Variants in CDH26 observed in about 807,000 individuals in gnomAD.
CDH26 encodes the protein cadherin 26.
Under a neutral mutation model 90.3 loss-of-function variants are expected in CDH26, and 83 were observed. The observed-to-expected ratio is 0.92, with a 90% CI of 0.77 to 1.10. The LOEUF (loss-of-function observed/expected upper bound fraction) is 1.10. Ranked by LOEUF, CDH26 falls within the 50% of genes least tolerant of loss-of-function variation. CDH26 has a pLI of 0.00. For synonymous variants in CDH26, 397 were observed against 396.3 expected (o/e 1.00, Z -0.02); for missense variants, 1,013 against 1,037.6 (o/e 0.98, Z 0.33).
chr20:60,002,305 A>G (rs1039295970), intron 15 of CDH26, among the ~76,000 whole-genome samples: 1 of 151,284 alleles, frequency 6.6e-6, no homozygotes, highest in African/African-American at 2.4e-5. Context: ...GTTGGGTTCC[A>G]TGTCCTTGCA....
chr20:60,024,269 C>CA (rs2146032533), intron 7 of CDH26, among the ~76,000 whole-genome samples: 1 of 152,286 alleles, frequency 6.6e-6, no homozygotes, highest in Admixed American at 6.5e-5. Flanking sequence ...CTTTGCCCCC[C>CA]ACACTGGGTA....
At chr20:59,978,667 C>A (rs1244923935) in intron 4 of CDH26, among the ~76,000 whole-genome samples, 1 of 152,046 alleles carries the variant, frequency 6.6e-6, no homozygotes, top group African/African-American at 2.4e-5. Context: ...AGCCACCACG[C>A]CCGATCTTAT....
intron 17 of CDH26, among the ~76,000 whole-genome samples, chr20:60,010,757 G>A (rs1167616854): frequency 6.6e-6 from 1 of 152,214 alleles, no homozygotes; most frequent in East Asian, 1.9e-4. Context: ...GCTGTTTGGA[G>A]GGAGAAAGCC....
chr20:59,968,488 T>C (rs905134883), intron 1 of CDH26, among the ~76,000 whole-genome samples: 3 of 152,188 alleles, frequency 2.0e-5, no homozygotes, highest in Non-Finnish European at 4.4e-5. Flanking sequence ...ATAAGTATTA[T>C]CACTCTAAGT....
At position 59,992,667 on chromosome 20, in the gene CDH26, T is replaced by C; in HGVS notation, c.1426+147T>C. 1.2e-6 allele frequency: 1 copy of C among 800,226 alleles called. No homozygotes were observed. The highest frequency in any genetic ancestry group is 2.0e-6 in the Non-Finnish European group (1 of 512,066). The allele number at this position is 800,226 out of a possible 1,614,324, so 49.6% of individuals were successfully genotyped here. ...CTGCATCCATGCTGGTGATTATTTT[T>C]GGTAATAATTCTTAAAATGGTAAAC... On this transcript the variant is annotated intron_variant, in intron 10 of 17. Coordinates refer to ENST00000348616, the MANE Select transcript of CDH26 (RefSeq NM_177980.4). This position sits in a 1 kb window ranked among gnomAD's most constrained non-coding sequence, Gnocchi z 5.0.
rs2062032452 is a variant in CDH26 at position 60,030,529 on chromosome 20, A to G, written c.948-702A>G. Among the ~76,000 whole-genome samples, 1 of 152,104 alleles carries G rather than the reference A, an allele frequency of 6.6e-6. No homozygotes were observed. Among genetic ancestry groups the G allele is most frequent in the Non-Finnish European group, 1.5e-5 (1 of 68,026 alleles). On this transcript the variant is annotated intron_variant, in intron 7 of 8. Transcript: ENST00000370991. The surrounding 1 kb of genome is among the most constrained non-coding windows in gnomAD (Gnocchi z 4.0). ...AAGTTCCAGAGGCAGATCCTGGAAG[A>G]TTTTAACTAGCTAATGTAGCCCACC...
intron 1 of CDH26, among the ~76,000 whole-genome samples, chr20:59,966,665 A>G (rs1326534134): frequency 6.6e-6 from 1 of 152,236 alleles, no homozygotes; most frequent in African/African-American, 2.4e-5. Flanking sequence ...TGCAAATGTC[A>G]GACAGCAAAA....
At chr20:59,977,985 T>G (rs1280645344) in intron 4 of CDH26, among the ~76,000 whole-genome samples, 3 of 152,236 alleles carry the variant, frequency 2.0e-5, no homozygotes, top group Non-Finnish European at 4.4e-5. Flanking sequence ...ACTTTTGCCT[T>G]TTCCAGAAGG....
chr20:59,987,703 C>A, intron 8 of CDH26, 65 bp downstream of exon 8: 1 of 1,404,154 alleles, frequency 7.1e-7, no homozygotes, highest in Non-Finnish European at 9.7e-7. Context: ...TCTGTAGGAT[C>A]ACTCACAATG....
chr20:60,028,334 G>C (rs1204266106), intron 7 of CDH26, among the ~76,000 whole-genome samples: 1 of 152,218 alleles, frequency 6.6e-6, no homozygotes, highest in African/African-American at 2.4e-5. Flanking sequence ...GGGTTCTTTT[G>C]ATCTGCCACG....
chr20:59,986,646 CA>C (rs2061462605), intron 7 of CDH26, among the ~76,000 whole-genome samples: 1 of 151,816 alleles, frequency 6.6e-6, no homozygotes, highest in East Asian at 1.9e-4. Flanking sequence ...CACACACACA[CA>C]CACACACACA....
chr20:59,981,049 G>A (rs915179556), intron 4 of CDH26, among the ~76,000 whole-genome samples: 2 of 151,994 alleles, frequency 1.3e-5, no homozygotes, highest in African/African-American at 4.8e-5. Flanking sequence ...CCATACTTGT[G>A]TGGGCCTATT....
At chr20:60,011,816 G>A (rs552705012) in intron 17 of CDH26, among the ~76,000 whole-genome samples, 161 of 152,318 alleles carry the variant, frequency 1.1e-3, no homozygotes, top group Non-Finnish European at 2.0e-3. Flanking sequence ...TTTCCAGGAT[G>A]TTGAGTCTGA....
intron 1 of CDH26, among the ~76,000 whole-genome samples, chr20:59,963,236 T>C (rs1448129145): frequency 6.7e-6 from 1 of 148,464 alleles, no homozygotes; most frequent in Non-Finnish European, 1.5e-5. Context: ...ACATAGCTGG[T>C]GAGGGGTAGA....
chr20:59,994,097 G>A (rs1394362491), intron 10 of CDH26, 153 bp from the exon 11 acceptor site: 4 of 947,420 alleles, frequency 4.2e-6, no homozygotes, highest in Non-Finnish European at 6.2e-6. Flanking sequence ...CAGGAAAACA[G>A]ATCACGTGCA....
At position 60,006,650 on chromosome 20, in the gene CDH26, C is replaced by T. The variant is rs1037361310; in HGVS notation, c.2221-63C>T. 5 of 1,211,908 alleles carry T rather than the reference C, an allele frequency of 4.1e-6. No homozygotes were observed. In the African/African-American group the frequency reaches 7.4e-5, roughly 18 times the overall value. The allele number at this position is 1,211,908 out of a possible 1,614,324, so 75.1% of individuals were successfully genotyped here. A position where few individuals can be genotyped will look rare whatever the true frequency, so the allele number is the denominator to read the frequency against. On this transcript the variant is annotated intron_variant, in intron 16 of 17. Coordinates refer to ENST00000348616, the MANE Select transcript of CDH26 (RefSeq NM_177980.4). ...CATCTATGCTGGGGCCACTGACACA[C>T]AGGGGTTGGGGGGTAGGACAAGGGC...
In CDH26 at chr20:60,030,826, C is replaced by A. The variant is rs1350382098; in HGVS notation, c.948-405C>A. ...CCTGCACCTAGTTAAGAAGCCATGA[C>A]TCCCCTTGGACAATTACCTGCACCA... On this transcript the variant is annotated intron_variant, in intron 7 of 8. Transcript: ENST00000370991. This position sits in a 1 kb window ranked among gnomAD's most constrained non-coding sequence, Gnocchi z 4.0. Among the ~76,000 whole-genome samples the A allele has an allele frequency of 3.3e-5, 5 of 152,188 alleles. No individual in the cohort carries two copies. The highest frequency in any genetic ancestry group is 7.3e-5 in the Non-Finnish European group (5 of 68,030).
chr20:59,999,737 T>C, intron 14 of CDH26, 74 bp downstream of exon 14: 1 of 1,393,022 alleles, frequency 7.2e-7, no homozygotes, highest in South Asian at 1.2e-5. Flanking sequence ...AAGGAACACC[T>C]GGGATGCTCC....
intron 15 of CDH26, 33 bp from the exon 16 acceptor site, chr20:60,002,780 T>C (rs1230554711): frequency 6.5e-7 from 1 of 1,545,976 alleles, no homozygotes; most frequent in Non-Finnish European, 8.8e-7. Context: ...GGTAATTTAT[T>C]TGAAATCAGT....
Sources: gnomAD v4.1 joint callset for allele counts (sites outside exome capture counted in the v4.1 genomes callset) on GRCh38, gnomAD v4.1.1 for gene constraint, Gnocchi (gnomAD v3.1) non-coding constraint, MANE v1.5 for transcripts, NCBI Gene and HGNC (gene_info 2026-07-23, HGNC 2026-07-21) for gene names.